Variants in ANXA13 observed in about 807,000 individuals in gnomAD.
The protein encoded by ANXA13 is annexin A13, also known as annexin XIII.
ANXA13 carries 36 observed loss-of-function variants against 46.6 expected under a neutral mutation model. That is an observed-to-expected ratio of 0.77 (90% confidence interval 0.59 to 1.02). The LOEUF is 1.02. ANXA13 is among the 50% of genes least tolerant of loss of function. The probability of loss-of-function intolerance (pLI) is 0.00; values close to 1 mark genes in which losing one functional copy is unlikely to be tolerated. For missense variants in ANXA13, 417 were observed against 396.5 expected, an observed-to-expected ratio of 1.05 and a Z score of -0.44; for synonymous variants, 163 against 152.9, an observed-to-expected ratio of 1.07 and a Z score of -0.49.
chr8:123,691,716 C>T lies in ANXA13; in HGVS notation c.642+1481G>A, dbSNP rs146011219. Among the ~76,000 whole-genome samples the T allele has an allele frequency of 2.0e-5, 3 of 152,224 alleles. No homozygotes were observed. The East Asian group carries it at 5.8e-4, about 29-fold the overall frequency. ...ATTAAAATCACCTGGAACACCTGCT[C>T]TAACACAGATGGTCAGGCCCTAGCC... On this transcript the variant is annotated intron_variant, in intron 8 of 10. Coordinates refer to ENST00000419625, the MANE Select transcript of ANXA13 (RefSeq NM_004306.4).
intron 2 of ANXA13, among the ~76,000 whole-genome samples, chr8:123,711,390 C>G (rs910762230): frequency 3.9e-5 from 6 of 152,144 alleles, no homozygotes; most frequent in Admixed American, 6.5e-5. Flanking sequence ...TGGGACTAGA[C>G]CTTGTGTCAT....
rs1032022146 is a variant in ANXA13 at position 123,737,323 on chromosome 8, A to T, written c.12T>A (p.Arg4=). Reference sequence around the variant, plus strand: ...CCCAAAGGCAATGAGTACTTACATGACGATTGCCCATTTTCCTTTTTCTGA... The same window carrying T: ...CCCAAAGGCAATGAGTACTTACATGTCGATTGCCCATTTTCCTTTTTCTGA... The part of the protein sequence containing the change: MGN[R]HAKASSPQGF... Residue 4 remains arginine (R), a synonymous_variant, in exon 1 of 11, where the codon CGT becomes CGA. Transcript: ENST00000419625. 1.1e-5 allele frequency: 17 copies of T among 1,611,324 alleles called. No homozygotes were observed. In the African/African-American group the frequency reaches 1.3e-4, roughly 13 times the overall value.
intron 3 of ANXA13, among the ~76,000 whole-genome samples, chr8:123,700,969 C>A (rs1043238004): frequency 6.6e-6 from 1 of 152,058 alleles, no homozygotes; most frequent in African/African-American, 2.4e-5. Context: ...ACTACAGGCA[C>A]ACACCACCAT....
intron 2 of ANXA13, among the ~76,000 whole-genome samples, chr8:123,704,094 C>T (rs1441807135): frequency 3.3e-5 from 5 of 152,056 alleles, no homozygotes; most frequent in Non-Finnish European, 5.9e-5. Flanking sequence ...GGGTCCAGTC[C>T]GCGGTGGTCC....
At chr8:123,707,787 A>G (rs1205567378) in intron 2 of ANXA13, among the ~76,000 whole-genome samples, 1 of 152,166 alleles carries the variant, frequency 6.6e-6, no homozygotes, top group East Asian at 1.9e-4. Context: ...TGGCATATGT[A>G]TACCTATGTA....
chr8:123,700,749 TTTTG>T (rs1039118372), intron 3 of ANXA13, among the ~76,000 whole-genome samples: 2 of 152,046 alleles, frequency 1.3e-5, no homozygotes, highest in Admixed American at 1.3e-4. Context: ...TCTTTCATTC[TTTTG>T]TTCTTTCTTT....
In ANXA13 at chr8:123,702,730, T is replaced by G; in HGVS notation, c.98A>C (p.Asn33Thr). 6.2e-7 allele frequency: 1 copy of G among 1,613,886 alleles called. No homozygotes were observed. The highest frequency in any genetic ancestry group is 8.5e-7 in the Non-Finnish European group (1 of 1,179,822). The change falls in exon 3 of 11, where the codon AAT becomes ACT. Residue 33 changes from asparagine (N) to threonine (T), a missense_variant. Coordinates refer to ENST00000419625, the MANE Select transcript of ANXA13 (RefSeq NM_004306.4). ...LNKACKGMGTNEAAIIEILSG... is the reference protein window; with the variant it reads ...LNKACKGMGTTEAAIIEILSG... ...TAAGATTTCAATGATGGCTGCTTCA[T>G]TGGTCCCTAAAATACAGGAGAAACA...
At position 123,681,162 on chromosome 8, in the gene ANXA13, T is replaced by A; in HGVS notation, c.*78A>T. 1 of 1,505,436 alleles carries A rather than the reference T, an allele frequency of 6.6e-7. No homozygotes were observed. The highest frequency in any genetic ancestry group is 2.3e-5 in the East Asian group (1 of 43,298). 93.3% of individuals were successfully genotyped at this position (1,505,436 alleles called of 1,614,324 possible). ...ACTCTTAAGGGTTTTCGTGCGGGAG[T>A]CTCATTTGCAAGTTTGATTTGGAAT... On this transcript the variant is annotated 3_prime_UTR_variant, in exon 11 of 11. Transcript: ENST00000419625.
chr8:123,726,476 G>C (rs1813995977), intron 1 of ANXA13, among the ~76,000 whole-genome samples: 1 of 152,228 alleles, frequency 6.6e-6, no homozygotes, highest in African/African-American at 2.4e-5. Context: ...CTGAGCTGTG[G>C]TATAGGGAGT....
chr8:123,727,577 G>C (rs1027774724), intron 1 of ANXA13: 4 of 151,978 alleles, frequency 2.6e-5, no homozygotes, highest in African/African-American at 9.7e-5. Context: ...GGAATATCTA[G>C]TGATAGAGGC....
Position 123,719,827 on chromosome 8 carries a change from C to T in ANXA13, c.16-7074G>A, listed in dbSNP as rs117843221. On this transcript the variant is annotated intron_variant, in intron 1 of 10. Transcript: ENST00000419625. ...CTGTTTTGCCCTTTGCTGGTTGTAC[C>T]ACCTTGGGCAAGCTGATTCACGTCT... 2.8e-4 allele frequency among the ~76,000 whole-genome samples: 43 copies of T among 152,298 alleles called. No individual in the cohort carries two copies. In the East Asian group the frequency reaches 7.7e-3, roughly 27 times the overall value.
intron 1 of ANXA13, among the ~76,000 whole-genome samples, chr8:123,715,781 C>T (rs774368522): frequency 2.0e-5 from 3 of 152,182 alleles, no homozygotes; most frequent in Non-Finnish European, 2.9e-5. Flanking sequence ...CCTGGCCAGG[C>T]AGCGGTTGAG....
At chr8:123,705,736 G>T (rs1012557949) in intron 2 of ANXA13, among the ~76,000 whole-genome samples, 1 of 152,182 alleles carries the variant, frequency 6.6e-6, no homozygotes, top group Non-Finnish European at 1.5e-5. Flanking sequence ...GAACAAGATC[G>T]TGCAATGCAT....
intron 2 of ANXA13, among the ~76,000 whole-genome samples, chr8:123,709,291 A>G (rs1378691582): frequency 6.6e-6 from 1 of 152,076 alleles, no homozygotes; most frequent in Non-Finnish European, 1.5e-5. Context: ...AGATGAGAAC[A>G]CAGGTTGCAC....
chr8:123,681,649 G>T (rs1438681508), intron 10 of ANXA13, among the ~76,000 whole-genome samples: 1 of 135,300 alleles, frequency 7.4e-6, no homozygotes, highest in Non-Finnish European at 1.5e-5. Flanking sequence ...TTGAGACAGA[G>T]CTTTGCTCTT....
intron 9 of ANXA13, among the ~76,000 whole-genome samples, chr8:123,685,315 TG>T (rs1813120770): frequency 6.6e-6 from 1 of 152,182 alleles, no homozygotes; most frequent in South Asian, 2.1e-4. Flanking sequence ...CCTACGATGC[TG>T]CTATTTGCTC....
intron 1 of ANXA13, among the ~76,000 whole-genome samples, chr8:123,716,008 G>T (rs1179554862): frequency 6.6e-6 from 1 of 152,200 alleles, no homozygotes; most frequent in Non-Finnish European, 1.5e-5. Flanking sequence ...TCTGATATCT[G>T]GGAGGTGCAG....
intron 10 of ANXA13, among the ~76,000 whole-genome samples, chr8:123,682,440 T>C (rs1427007803): frequency 6.6e-6 from 1 of 152,246 alleles, no homozygotes; most frequent in Non-Finnish European, 1.5e-5. Context: ...CTTTCTTTTC[T>C]TTTCTTTTTT....
chr8:123,684,769 G>T, intron 9 of ANXA13, 47 bp from the exon 10 acceptor site: 1 of 1,447,466 alleles, frequency 6.9e-7, no homozygotes, highest in Non-Finnish European at 9.7e-7. Context: ...CACGTTTTGT[G>T]GAATGACCTT....
Sources: allele counts gnomAD v4.1 joint callset (sites outside exome capture counted in the v4.1 genomes callset), GRCh38; gene constraint gnomAD v4.1.1; transcripts MANE v1.5; gene names NCBI Gene and HGNC (gene_info 2026-07-23, HGNC 2026-07-21).